Variants in DLC1 observed in about 807,000 individuals in gnomAD.
The protein encoded by DLC1 is rho GTPase-activating protein 7.
DLC1 carries 54 observed loss-of-function variants against 140.3 expected under a neutral mutation model. That is an observed-to-expected ratio of 0.38 (90% CI 0.31 to 0.48). The LOEUF is 0.48. Among genes scored for constraint, DLC1 ranks in the 20% least tolerant of loss-of-function variants. DLC1 has a pLI of 0.96. For missense variants in DLC1, 2,536 were observed against 1,907.0 expected, an observed-to-expected ratio of 1.33 and a Z score of -6.14; for synonymous variants, 986 against 728.1, an observed-to-expected ratio of 1.35 and a Z score of -5.70.
At chr8:13,329,923 T>G (rs138099749) in intron 4 of DLC1, among the ~76,000 whole-genome samples, 18 of 152,304 alleles carry the variant, frequency 1.2e-4, no homozygotes, top group Non-Finnish European at 1.6e-4. Context: ...TTGTAGAGTT[T>G]GAGAAAAGAA....
At chr8:13,252,263 G>C (rs1230322440) in intron 5 of DLC1, among the ~76,000 whole-genome samples, 1 of 152,154 alleles carries the variant, frequency 6.6e-6, no homozygotes, top group Non-Finnish European at 1.5e-5. Flanking sequence ...GAAGGAATCA[G>C]AATTATCTCA....
At chr8:13,533,156 C>G (rs1001025774) in intron 1 of DLC1, among the ~76,000 whole-genome samples, 2 of 151,646 alleles carry the variant, frequency 1.3e-5, no homozygotes, top group Admixed American at 6.6e-5. Context: ...AACAAACAGT[C>G]AAAAAAATTA....
At chr8:13,377,993 C>G (rs994073878) in intron 4 of DLC1, among the ~76,000 whole-genome samples, 10 of 150,400 alleles carry the variant, frequency 6.6e-5, no homozygotes, top group African/African-American at 2.4e-4. Context: ...TGTAGTAGTA[C>G]CTTTGAAGTA....
chr8:13,542,361 G>A (rs1803512925), intron 1 of DLC1, among the ~76,000 whole-genome samples: 1 of 152,142 alleles, frequency 6.6e-6, no homozygotes, highest in African/African-American at 2.4e-5. Context: ...TTGACCATAT[G>A]CGTAGGTCTA....
At chr8:13,298,913 T>A (rs1832070889) in intron 5 of DLC1, among the ~76,000 whole-genome samples, 1 of 152,344 alleles carries the variant, frequency 6.6e-6, no homozygotes, top group Admixed American at 6.5e-5. Context: ...GATAATGCTT[T>A]GTTTTGCATG....
intron 5 of DLC1, among the ~76,000 whole-genome samples, chr8:13,216,319 T>C (rs1828197396): frequency 6.6e-6 from 1 of 152,216 alleles, no homozygotes; most frequent in Admixed American, 6.5e-5. Context: ...ATATTGAAGT[T>C]GAGAAAACTC....
intron 1 of DLC1, among the ~76,000 whole-genome samples, chr8:13,573,078 A>G (rs1804719270): frequency 1.3e-5 from 2 of 152,162 alleles, no homozygotes; most frequent in Admixed American, 6.5e-5. Context: ...TGTCATCACA[A>G]CAATATTGAG....
chr8:13,147,179 C>G (rs1196800843), intron 5 of DLC1, among the ~76,000 whole-genome samples: 2 of 152,138 alleles, frequency 1.3e-5, no homozygotes, highest in African/African-American at 2.4e-5. Flanking sequence ...TAGATTCTTC[C>G]TTAGAACCTA....
chr8:13,191,189 T>C (rs1381996570), intron 5 of DLC1, among the ~76,000 whole-genome samples: 2 of 152,110 alleles, frequency 1.3e-5, no homozygotes, highest in African/African-American at 4.8e-5. Context: ...CAAAGATAAA[T>C]TGGGGGTTTG....
At chr8:13,101,734 T>C (rs1819106378) in intron 8 of DLC1, among the ~76,000 whole-genome samples, 3 of 152,274 alleles carry the variant, frequency 2.0e-5, no homozygotes, top group Admixed American at 6.5e-5. Flanking sequence ...CTCCAGCCAA[T>C]TGAACAAGGC....
intron 5 of DLC1, among the ~76,000 whole-genome samples, chr8:13,166,093 G>A (rs571107109): frequency 1.5e-4 from 23 of 152,262 alleles, no homozygotes; most frequent in African/African-American, 5.5e-4. Flanking sequence ...TCCTCCTGGT[G>A]TTTCCCTAAT....
At chr8:13,213,123 T>C (rs538125618) in intron 5 of DLC1, among the ~76,000 whole-genome samples, 1 of 152,336 alleles carries the variant, frequency 6.6e-6, no homozygotes, top group African/African-American at 2.4e-5. Context: ...TAATAAAAAT[T>C]CTGCATGATA....
At chr8:13,306,161 A>T (rs1445768656) in intron 4 of DLC1, among the ~76,000 whole-genome samples, 1 of 152,180 alleles carries the variant, frequency 6.6e-6, no homozygotes, top group African/African-American at 2.4e-5. Flanking sequence ...CTTACTATTT[A>T]TTAAAATGGG....
At chr8:13,267,772 G>GTT (rs1405844016) in intron 5 of DLC1, among the ~76,000 whole-genome samples, 1 of 140,418 alleles carries the variant, frequency 7.1e-6, no homozygotes, top group Non-Finnish European at 1.5e-5. Context: ...GTGTGTGTGT[G>GTT]CAATTGCCTA....
intron 4 of DLC1, among the ~76,000 whole-genome samples, chr8:13,349,012 T>A (rs1213014762): frequency 6.6e-6 from 1 of 152,054 alleles, no homozygotes; most frequent in East Asian, 1.9e-4. Flanking sequence ...GAAGTGACTT[T>A]ATATGTAGCA....
At chr8:13,331,451 T>A (rs1031280932) in intron 4 of DLC1, among the ~76,000 whole-genome samples, 1 of 152,192 alleles carries the variant, frequency 6.6e-6, no homozygotes, top group African/African-American at 2.4e-5. Flanking sequence ...AGTAAAGAAC[T>A]TCCAAGTTGA....
intron 4 of DLC1, among the ~76,000 whole-genome samples, chr8:13,320,598 G>A (rs1833059878): frequency 6.6e-6 from 1 of 152,134 alleles, no homozygotes; most frequent in Non-Finnish European, 1.5e-5. Context: ...CCCGATGTTG[G>A]AGGTGGGGTC....
intron 1 of DLC1, among the ~76,000 whole-genome samples, chr8:13,553,103 C>T (rs1310400133): frequency 6.7e-6 from 1 of 149,822 alleles, no homozygotes; most frequent in Admixed American, 6.7e-5. Context: ...GCAAACACAC[C>T]TAAACCTTGA....
At chr8:13,292,643 C>A (rs73665940) in intron 5 of DLC1, among the ~76,000 whole-genome samples, 2,811 of 151,976 alleles carry the variant, frequency 0.018, 101 homozygotes, top group African/African-American at 0.063. Flanking sequence ...TAAAAAAAAA[C>A]ACAGACATGC....
Sources: gnomAD v4.1 joint callset for allele counts (sites outside exome capture counted in the v4.1 genomes callset) on GRCh38, gnomAD v4.1.1 for gene constraint, MANE v1.5 for transcripts, NCBI Gene and HGNC (gene_info 2026-07-23, HGNC 2026-07-21) for gene names.